PROM1: variants seen among roughly 807,000 people sequenced by gnomAD.
PROM1 encodes prominin-1.
Under a neutral mutation model 116.9 loss-of-function variants are expected in PROM1, and 105 were observed. The ratio of observed to expected loss-of-function variants is 0.90; its 90% CI spans 0.77 to 1.06. The LOEUF is 1.06. PROM1 is among the 50% of genes least tolerant of loss of function. PROM1 has a pLI of 0.00. For synonymous variants in PROM1, 393 were observed against 387.0 expected (o/e 1.02, Z -0.18); for missense variants, 1,122 against 1,045.2 (o/e 1.07, Z -1.01).
In PROM1 at chr4:16,049,722, T is replaced by C. The variant is rs534178672; in HGVS notation, c.221-10721A>G. On this transcript the variant is annotated intron_variant, in intron 2 of 27. Coordinates refer to ENST00000447510, the MANE Select transcript of PROM1 (RefSeq NM_006017.3). ...GGACTCTGATCTCCTTAAATTTATA[T>C]ATATATATAAGATATGTATATATAG... 2.6e-5 allele frequency among the ~76,000 whole-genome samples: 4 copies of C among 151,334 alleles called. No individual in the cohort carries two copies. The East Asian group carries it at 7.7e-4, about 29-fold the overall frequency.
At chr4:16,005,633 C>G (rs186323933) in intron 13 of PROM1, among the ~76,000 whole-genome samples, 8 of 151,988 alleles carry the variant, frequency 5.3e-5, no homozygotes, top group Admixed American at 5.3e-4. Context: ...CTCACAGCCC[C>G]GTGCTAGTGA....
At chr4:16,080,535 A>G (rs1744846786) in intron 1 of PROM1, 1 of 152,238 alleles carries the variant, frequency 6.6e-6, no homozygotes, top group Admixed American at 6.5e-5. Context: ...AAAATTAAAA[A>G]TGAAAAAGCA....
chr4:15,982,147 G>A (rs922364193), intron 23 of PROM1, among the ~76,000 whole-genome samples: 3 of 152,208 alleles, frequency 2.0e-5, no homozygotes, highest in Non-Finnish European at 4.4e-5. Flanking sequence ...TCCTACGTAA[G>A]TTCGAGTCTG....
Position 16,018,499 on chromosome 4 carries a change from T to C in PROM1, c.826A>G (p.Thr276Ala), listed in dbSNP as rs10005739. 1 of 1,612,308 alleles carries C rather than the reference T, an allele frequency of 6.2e-7. No individual in the cohort carries two copies. The highest frequency in any genetic ancestry group is 1.3e-5 in the African/African-American group (1 of 74,906). ...CTTTGTTGGTGCAAGCTCTTCAAGGTGCTGTTCATGTTCTCCAACGCCTCT... is the reference window on the plus strand; with the variant it reads ...CTTTGTTGGTGCAAGCTCTTCAAGGCGCTGTTCATGTTCTCCAACGCCTCT... Reference protein sequence around the residue: ...TKEALENMNSTLKSLHQQSTQ... With the variant: ...TKEALENMNSALKSLHQQSTQ... Residue 276 changes from threonine (T) to alanine (A), a missense_variant, in exon 9 of 28, where the codon ACC becomes GCC. Coordinates refer to ENST00000447510, the MANE Select transcript of PROM1 (RefSeq NM_006017.3).
intron 5 of PROM1, among the ~76,000 whole-genome samples, chr4:16,026,288 C>T (rs914562893): frequency 4.6e-5 from 7 of 152,052 alleles, no homozygotes; most frequent in African/African-American, 7.2e-5. Flanking sequence ...GACCAATTGG[C>T]CTGTTTTTGT....
chr4:15,979,324 T>C (rs1275070460), intron 26 of PROM1, 71 bp downstream of exon 26: 6 of 1,606,124 alleles, frequency 3.7e-6, no homozygotes, highest in Non-Finnish European at 5.1e-6. Context: ...ATGCAGAAAA[T>C]TCAGTGCTGA....
At chr4:15,971,156 GA>G in intron 26 of PROM1, 74 bp from the exon 27 acceptor site, 1 of 1,300,234 alleles carries the variant, frequency 7.7e-7, no homozygotes, top group Non-Finnish European at 1.1e-6. Context: ...TCTGTGCTAA[GA>G]AGCAGGCATG....
chr4:16,075,542 A>C (rs1743767283), intron 2 of PROM1, 145 bp downstream of exon 2: 1 of 786,408 alleles, frequency 1.3e-6, no homozygotes, highest in Non-Finnish European at 1.9e-6. Context: ...AGTCTTCTTA[A>C]CTTCTGTCTA....
intron 26 of PROM1, among the ~76,000 whole-genome samples, chr4:15,973,551 A>G (rs1271289277): frequency 6.6e-6 from 1 of 152,156 alleles, no homozygotes; most frequent in African/African-American, 2.4e-5. Flanking sequence ...TTGGGCCCCC[A>G]TGGTGTTTTT....
In PROM1 at chr4:16,006,629, C is replaced by A. The variant is rs780521440; in HGVS notation, c.1363G>T (p.Gly455Cys). The change falls in exon 13 of 28, where the codon GGC (glycine) becomes TGC (cysteine). Residue 455 changes from glycine to cysteine, a missense_variant. Coordinates refer to ENST00000447510, the MANE Select transcript of PROM1 (RefSeq NM_006017.3). ...LTLIVIFYYL[G>C]LLCGVCGYDR... ...TAGCCGCACACGCCACACAGTAAGC[C>A]CAGGTAGTAAAAAATCACGATGAGG... 4 of 1,612,430 alleles carry A rather than the reference C, an allele frequency of 2.5e-6. No individual in the cohort carries two copies. Among genetic ancestry groups the A allele is most frequent in the Non-Finnish European group, 3.4e-6 (4 of 1,179,348 alleles).
In PROM1 at chr4:15,994,010, T is replaced by C. The variant is rs746094851; in HGVS notation, c.1744A>G (p.Ser582Gly). 1 of 1,613,996 alleles carries C rather than the reference T, an allele frequency of 6.2e-7. No homozygotes were observed. Among genetic ancestry groups the C allele is most frequent in the Non-Finnish European group, 8.5e-7 (1 of 1,179,852 alleles). The change falls in exon 16 of 28, where the codon AGT (serine) becomes GGT (glycine). Residue 582 changes from serine (S) to glycine (G), a missense_variant. By Grantham distance (56) the Ser-to-Gly change is moderately conservative. Transcript: ENST00000447510. The stretch of plus-strand genomic sequence containing the variant: ...ACCTCATTAATGTTGAGATGTTCAC[T>C]GATATTGAAGCTGTTCTGCAGGTGA... ...TLHLQNSFNI[S>G]EHLNINEHTG...
At chr4:15,984,150 A>C in intron 23 of PROM1, 113 bp downstream of exon 23, 1 of 876,394 alleles carries the variant, frequency 1.1e-6, no homozygotes, top group Middle Eastern at 2.3e-4. Flanking sequence ...ATTACATTTT[A>C]GGTTTTGGAT....
intron 13 of PROM1, among the ~76,000 whole-genome samples, chr4:16,004,606 A>G (rs555763603): frequency 5.7e-4 from 87 of 152,348 alleles, no homozygotes; most frequent in African/African-American, 2.1e-3. Flanking sequence ...TTAAATTTGT[A>G]ACATTAAACT....
intron 5 of PROM1, among the ~76,000 whole-genome samples, chr4:16,032,134 G>T (rs1425364039): frequency 6.8e-6 from 1 of 147,638 alleles, no homozygotes; most frequent in Non-Finnish European, 1.5e-5. Context: ...CCCAGTGCTT[G>T]TGTCTCCTTC....
chr4:15,991,792 T>C (rs1210563282), intron 17 of PROM1, among the ~76,000 whole-genome samples: 1 of 151,444 alleles, frequency 6.6e-6, no homozygotes, highest in Non-Finnish European at 1.5e-5. Context: ...AAAAGTTAGC[T>C]GGGCGTGGTG....
chr4:16,001,557 A>G (rs1723852057), intron 13 of PROM1, among the ~76,000 whole-genome samples: 1 of 152,152 alleles, frequency 6.6e-6, no homozygotes, highest in South Asian at 2.1e-4. Context: ...GAAGGTAACT[A>G]TGTGGGTGTG....
chr4:16,036,897 A>T (rs1405791848), intron 3 of PROM1, among the ~76,000 whole-genome samples: 2 of 152,188 alleles, frequency 1.3e-5, no homozygotes, highest in African/African-American at 4.8e-5. Context: ...TAGAGTAGGA[A>T]TCAGCTCATT....
chr4:16,073,561 T>C (rs1018913020), intron 2 of PROM1, among the ~76,000 whole-genome samples: 4 of 152,176 alleles, frequency 2.6e-5, no homozygotes, highest in Admixed American at 6.5e-5. Context: ...CCAAGATTCA[T>C]CTGTTAAACT....
chr4:16,021,047 C>A (rs1332906924), intron 8 of PROM1, among the ~76,000 whole-genome samples: 1 of 148,992 alleles, frequency 6.7e-6, no homozygotes, highest in Non-Finnish European at 1.5e-5. Context: ...TTGCATGTTT[C>A]TGCTCTCTCC....
Sources: gnomAD v4.1 joint callset for allele counts (sites outside exome capture counted in the v4.1 genomes callset) on GRCh38, gnomAD v4.1.1 for gene constraint, MANE v1.5 for transcripts, NCBI Gene and HGNC (gene_info 2026-07-23, HGNC 2026-07-21) for gene names.